Variants in SORL1 observed in about 807,000 individuals in gnomAD.
The protein encoded by SORL1 is sortilin related receptor 1, also known as sortilin-related receptor.
SORL1 carries 127 observed loss-of-function variants against 273.7 expected under a neutral mutation model. That is an observed-to-expected ratio of 0.46 (90% CI 0.40 to 0.54). The LOEUF is 0.54. Among genes scored for constraint, SORL1 ranks in the 20% least tolerant of loss-of-function variants. The pLI is 0.00. For synonymous variants in SORL1, 1,031 were observed against 1,067.4 expected, an observed-to-expected ratio of 0.97 and a Z score of 0.66; for missense variants, 2,494 against 2,846.1, an observed-to-expected ratio of 0.88 and a Z score of 2.81.
intron 38 of SORL1, 136 bp downstream of exon 38, chr11:121,608,312 C>T: frequency 1.4e-6 from 1 of 714,696 alleles, no homozygotes; most frequent in Non-Finnish European, 2.4e-6. Flanking sequence ...AACACACGCA[C>T]ATTTTTGGGT....
At position 121,452,660 on chromosome 11, in the gene SORL1, C is replaced by G. The variant is rs758988540; in HGVS notation, c.285+44C>G. The G allele has an allele frequency of 1.4e-5, 19 of 1,394,970 alleles. No individual in the cohort carries two copies. The Middle Eastern group carries it at 5.5e-4, about 40-fold the overall frequency. 86.4% of individuals were successfully genotyped at this position (1,394,970 alleles called of 1,614,324 possible). A position where few individuals can be genotyped will look rare whatever the true frequency, so the allele number is the denominator to read the frequency against. ...CGCCTCCCTCCAGTTTTTTCCTCTC[C>G]CTGCACTTCCTCACCCCCGCATCCA... On this transcript the variant is annotated intron_variant, in intron 1 of 47. Transcript: ENST00000260197. The surrounding 1 kb of genome is among the most constrained non-coding windows in gnomAD (Gnocchi z 5.3).
intron 2 of SORL1, among the ~76,000 whole-genome samples, chr11:121,476,103 G>A (rs1410704817): frequency 6.6e-6 from 1 of 152,132 alleles, no homozygotes; most frequent in Non-Finnish European, 1.5e-5. Flanking sequence ...TACGTGGGGG[G>A]TTATCAAATT....
At chr11:121,619,718 G>A (rs749697497) in intron 42 of SORL1, 35 bp from the exon 43 acceptor site, 5 of 1,553,506 alleles carry the variant, frequency 3.2e-6, no homozygotes, top group African/African-American at 1.4e-5. Flanking sequence ...AGGCCATGAT[G>A]TATTTTTTTT....
At chr11:121,535,387 A>G (rs1173052579) in intron 12 of SORL1, among the ~76,000 whole-genome samples, 1 of 152,252 alleles carries the variant, frequency 6.6e-6, no homozygotes, top group African/African-American at 2.4e-5. Flanking sequence ...CATTACACAG[A>G]CAACTGTCGA....
chr11:121,595,786 G>A lies in SORL1; in HGVS notation c.4519+14G>A. The A allele has an allele frequency of 6.2e-7, 1 of 1,609,786 alleles. No individual in the cohort carries two copies. On this transcript the variant is annotated intron_variant, in intron 32 of 47. Transcript: ENST00000260197. The surrounding 1 kb of genome is among the most constrained non-coding windows in gnomAD (Gnocchi z 5.1). ...AGGCCAATTGCCGTGAGTAGTCAGA[G>A]AGCCCTTCACCCCCTGGGCACGTTT...
At chr11:121,618,675 T>C (rs1045541963) in intron 41 of SORL1, 99 bp from the exon 42 acceptor site, 1 of 1,415,362 alleles carries the variant, frequency 7.1e-7, no homozygotes, top group Non-Finnish European at 9.7e-7. Flanking sequence ...CTCTGTGAGC[T>C]CTTTTGAAGC....
chr11:121,505,219 G>GGTTATT (rs1861770147), intron 6 of SORL1, among the ~76,000 whole-genome samples: 1 of 151,714 alleles, frequency 6.6e-6, no homozygotes, highest in South Asian at 2.1e-4. Context: ...ATTTATTCTA[G>GGTTATT]GTTATTTAAT....
At chr11:121,487,068 C>A (rs537507082) in intron 3 of SORL1, among the ~76,000 whole-genome samples, 24 of 152,354 alleles carry the variant, frequency 1.6e-4, no homozygotes, top group African/African-American at 5.8e-4. Context: ...GGGAGTCTCA[C>A]CTGCCCTGCG....
intron 1 of SORL1, among the ~76,000 whole-genome samples, chr11:121,468,832 C>T (rs1194423594): frequency 1.3e-5 from 2 of 152,164 alleles, no homozygotes; most frequent in African/African-American, 2.4e-5. Flanking sequence ...CATCAGCCAA[C>T]AGTGAAATAA....
At chr11:121,536,067 G>T (rs1383407806) in intron 12 of SORL1, among the ~76,000 whole-genome samples, 1 of 152,178 alleles carries the variant, frequency 6.6e-6, no homozygotes, top group African/African-American at 2.4e-5. Context: ...ATCAATTTCT[G>T]TTTCTTCGCT....
chr11:121,599,437 G>A (rs1268741256), intron 32 of SORL1, among the ~76,000 whole-genome samples: 1 of 152,174 alleles, frequency 6.6e-6, no homozygotes, highest in Admixed American at 6.5e-5. Context: ...CTAGCTATTT[G>A]GGAGGCTGAG....
Position 121,532,549 on chromosome 11 carries a change from T to C in SORL1, c.1682T>C (p.Leu561Pro). ...GCCCAGGGCATGGAAACCAACGAGC[T>C]AAAGTAAGTGTCTCTGATGAGGCCT... ...AIAQGMETNELKYSTNEGETW... is the reference protein window; with the variant it reads ...AIAQGMETNEPKYSTNEGETW... Residue 561 changes from leucine to proline, a missense_variant, in exon 12 of 48, where the codon CTA becomes CCA. Physicochemically the swap from Leu to Pro is moderately conservative, Grantham distance 98. Coordinates refer to ENST00000260197, the MANE Select transcript of SORL1 (RefSeq NM_003105.6). 1 of 1,613,940 alleles carries C rather than the reference T, an allele frequency of 6.2e-7. No individual in the cohort carries two copies. Among genetic ancestry groups the C allele is most frequent in the Non-Finnish European group, 8.5e-7 (1 of 1,179,816 alleles).
chr11:121,496,448 G>T (rs908931211), intron 5 of SORL1, among the ~76,000 whole-genome samples: 27 of 152,154 alleles, frequency 1.8e-4, no homozygotes, highest in African/African-American at 6.3e-4. Flanking sequence ...TCATGGTGTG[G>T]TTTCTCCAGT....
Position 121,514,257 on chromosome 11 carries a change from T to C in SORL1, c.1147T>C (p.Ser383Pro), listed in dbSNP as rs767735100. Residue 383 changes from serine (S) to proline (P), a missense_variant, in exon 8 of 48, where the codon TCC (serine) becomes CCC (proline). Around this residue, in one of 3 missense-constraint regions of SORL1, gnomAD observed 710 missense variants for 882.5 expected, o/e 0.80. Coordinates refer to ENST00000260197, the MANE Select transcript of SORL1 (RefSeq NM_003105.6). The stretch of plus-strand genomic sequence containing the variant: ...CTCAGAGGCAGAGGGGCTGAAGTTC[T>C]CCCTGTCCTTGGAGAACGTGCTCTA... ...YISEAEGLKF[S>P]LSLENVLYYS... 3.7e-6 allele frequency: 6 copies of C among 1,614,102 alleles called. No homozygotes were observed. Among genetic ancestry groups the C allele is most frequent in the Admixed American group, 3.3e-5 (2 of 60,006 alleles).
intron 28 of SORL1, 136 bp from the exon 29 acceptor site, chr11:121,589,120 TTGC>T: frequency 1.2e-6 from 1 of 862,218 alleles, no homozygotes; most frequent in Non-Finnish European, 1.9e-6. Context: ...GGTTTGGCTT[TTGC>T]TTTCAAGGCA....
intron 5 of SORL1, among the ~76,000 whole-genome samples, chr11:121,490,894 C>T (rs571371210): frequency 7.9e-5 from 12 of 152,138 alleles, no homozygotes; most frequent in African/African-American, 1.4e-4. Context: ...ATTTCAGGTA[C>T]GTAACACACA....
chr11:121,454,320 C>T (rs1266438839), intron 1 of SORL1, among the ~76,000 whole-genome samples: 2 of 152,198 alleles, frequency 1.3e-5, no homozygotes, highest in Non-Finnish European at 2.9e-5. Flanking sequence ...GTGCTCAGGT[C>T]CCCTGAAGCT....
At chr11:121,538,586 C>T (rs533242305) in intron 12 of SORL1, among the ~76,000 whole-genome samples, 41 of 152,240 alleles carry the variant, frequency 2.7e-4, no homozygotes, top group South Asian at 8.3e-4. Context: ...GGATGTTCCC[C>T]GTCCTGTATT....
rs116527351 is a variant in SORL1, at chr11:121,473,947, A to G, written c.402+3824A>G. ...TCAACCAGGGAAGATACTGTGCAGG[A>G]TAGGACTTTCTGCTTTTGTCCCTAG... On this transcript the variant is annotated intron_variant, in intron 2 of 47. Transcript: ENST00000260197. Among the ~76,000 whole-genome samples the G allele has an allele frequency of 7.7e-3, 1,178 of 152,236 alleles. 14 individuals carry two copies. Among genetic ancestry groups the G allele is most frequent in the African/African-American group, 0.026 (1,062 of 41,546 alleles).
Sources: gnomAD v4.1 joint callset for allele counts (sites outside exome capture counted in the v4.1 genomes callset) on GRCh38, gnomAD v4.1.1 for gene constraint, gnomAD v4.1.1 regional missense constraint, Gnocchi (gnomAD v3.1) non-coding constraint, MANE v1.5 for transcripts, NCBI Gene and HGNC (gene_info 2026-07-23, HGNC 2026-07-21) for gene names.